Variants in AUTS2 observed in about 807,000 individuals in gnomAD.
AUTS2 encodes the protein autism susceptibility gene 2 protein.
AUTS2 carries 17 observed loss-of-function variants against 112.4 expected under a neutral mutation model. That is an observed-to-expected ratio of 0.15 (90% CI 0.10 to 0.23). AUTS2 has a LOEUF of 0.23. AUTS2 is among the 10% of genes least tolerant of loss of function. The pLI is 1.00. For missense variants in AUTS2, 1,510 were observed against 1,701.6 expected, an observed-to-expected ratio of 0.89 and a Z score of 1.98; for synonymous variants, 751 against 702.7, an observed-to-expected ratio of 1.07 and a Z score of -1.09.
At chr7:70,006,014 A>G (rs1293342156) in intron 2 of AUTS2, among the ~76,000 whole-genome samples, 3 of 152,142 alleles carry the variant, frequency 2.0e-5, no homozygotes. Flanking sequence ...TAAAGTGGAA[A>G]CAAATGCACG....
At chr7:70,380,938 G>A (rs1158654443) in intron 4 of AUTS2, among the ~76,000 whole-genome samples, 1 of 152,202 alleles carries the variant, frequency 6.6e-6, no homozygotes, top group Non-Finnish European at 1.5e-5. Flanking sequence ...AACGAATTAA[G>A]TAGTTTTCTC....
chr7:69,669,103 C>T (rs1796198638), intron 1 of AUTS2, among the ~76,000 whole-genome samples: 1 of 152,104 alleles, frequency 6.6e-6, no homozygotes, highest in Non-Finnish European at 1.5e-5. Context: ...ATGTTTTCTA[C>T]ATTCTGCTGT....
chr7:70,387,469 G>C (rs1240472282), intron 4 of AUTS2, among the ~76,000 whole-genome samples: 1 of 152,102 alleles, frequency 6.6e-6, no homozygotes, highest in East Asian at 1.9e-4. Context: ...TCTTTTATCT[G>C]TCTATTTTCT....
chr7:69,689,343 A>ATTTTTTTTTTTTTTTT (rs530444257), intron 1 of AUTS2, among the ~76,000 whole-genome samples: 1 of 102,500 alleles, frequency 9.8e-6, no homozygotes, highest in African/African-American at 3.7e-5. Context: ...TAATTAATTA[A>ATTTTTTTTTTTTTTTT]TTTTTTTTTT....
chr7:70,633,334 TG>T (rs1198338384), intron 5 of AUTS2, among the ~76,000 whole-genome samples: 1 of 152,152 alleles, frequency 6.6e-6, no homozygotes, highest in Non-Finnish European at 1.5e-5. Flanking sequence ...ACACAGAACA[TG>T]GGCCAGGTGC....
intron 2 of AUTS2, among the ~76,000 whole-genome samples, chr7:69,960,521 T>C (rs1462146923): frequency 1.3e-5 from 2 of 152,162 alleles, no homozygotes; most frequent in Non-Finnish European, 2.9e-5. Flanking sequence ...CATTTATCTG[T>C]GTAATTCTGT....
At chr7:69,922,079 GA>G (rs996065811) in intron 2 of AUTS2, among the ~76,000 whole-genome samples, 60 of 150,906 alleles carry the variant, frequency 4.0e-4, no homozygotes, top group Non-Finnish European at 7.7e-4. Flanking sequence ...AAAGAAAAAA[GA>G]AAAAAAAATT....
At chr7:69,996,966 C>CAAAAAAAAAAAAAAAAAA (rs1798974779) in intron 2 of AUTS2, among the ~76,000 whole-genome samples, 6 of 83,652 alleles carry the variant, frequency 7.2e-5, no homozygotes, top group African/African-American at 2.1e-4. Context: ...AAAAAAAAAG[C>CAAAAAAAAAAAAAAAAAA]AAACTCCAGG....
chr7:70,689,256 A>G (rs1585510590), intron 5 of AUTS2, among the ~76,000 whole-genome samples: 2 of 152,096 alleles, frequency 1.3e-5, no homozygotes, highest in African/African-American at 4.8e-5. Context: ...AGCTACTCCC[A>G]GCTACTCCCA....
At chr7:70,446,931 G>C (rs1796341936) in intron 5 of AUTS2, among the ~76,000 whole-genome samples, 1 of 152,182 alleles carries the variant, frequency 6.6e-6, no homozygotes, top group Admixed American at 6.5e-5. Flanking sequence ...GTGACTAGCT[G>C]CCTTGTGTAC....
chr7:70,221,637 A>G (rs182723479), intron 4 of AUTS2, among the ~76,000 whole-genome samples: 1 of 152,336 alleles, frequency 6.6e-6, no homozygotes, highest in African/African-American at 2.4e-5. Flanking sequence ...CTGTATTCCC[A>G]GTACTTTGGG....
At chr7:70,759,772 C>T (rs751258473) in intron 6 of AUTS2, among the ~76,000 whole-genome samples, 21 of 152,098 alleles carry the variant, frequency 1.4e-4, no homozygotes, top group Admixed American at 1.3e-4. Context: ...TCTTGAGGCT[C>T]GTTCAAGAAC....
chr7:70,339,169 C>T (rs978497971), intron 4 of AUTS2, among the ~76,000 whole-genome samples: 6 of 152,004 alleles, frequency 3.9e-5, no homozygotes, highest in Non-Finnish European at 7.4e-5. Context: ...GGCCTGGCCT[C>T]ATCTCTTTTT....
Position 70,606,384 on chromosome 7 carries a change from T to C in AUTS2, c.691-92185T>C, listed in dbSNP as rs187163527. The stretch of plus-strand genomic sequence containing the variant: ...ATTTGCAGCCCATCAATAATTACAT[T>C]AATGATGAACTTGGTTCTTAGTTTT... On this transcript the variant is annotated intron_variant, in intron 5 of 18. Transcript: ENST00000342771. Among the ~76,000 whole-genome samples the C allele has an allele frequency of 4.6e-5, 7 of 152,318 alleles. No individual in the cohort carries two copies. In the East Asian group the frequency reaches 1.4e-3, roughly 29 times the overall value.
intron 2 of AUTS2, among the ~76,000 whole-genome samples, chr7:69,967,130 G>T (rs923787770): frequency 6.6e-6 from 1 of 152,174 alleles, no homozygotes; most frequent in Admixed American, 6.5e-5. Flanking sequence ...GTGGAGAAAG[G>T]TCACCTCCTG....
intron 5 of AUTS2, among the ~76,000 whole-genome samples, chr7:70,508,620 G>A (rs1799063762): frequency 6.6e-6 from 1 of 152,184 alleles, no homozygotes; most frequent in African/African-American, 2.4e-5. Flanking sequence ...TATGAGTGGG[G>A]AGAGTGTCTT....
intron 2 of AUTS2, among the ~76,000 whole-genome samples, chr7:70,059,211 A>G (rs1024186657): frequency 6.6e-6 from 1 of 152,124 alleles, no homozygotes; most frequent in African/African-American, 2.4e-5. Context: ...TACTTTTTCC[A>G]TAGTTTCGCC....
intron 4 of AUTS2, among the ~76,000 whole-genome samples, chr7:70,405,119 T>C (rs1794477974): frequency 6.6e-6 from 1 of 152,212 alleles, no homozygotes; most frequent in Non-Finnish European, 1.5e-5. Context: ...TATGATTTTT[T>C]TGCAAGAGAG....
chr7:69,946,606 A>G lies in AUTS2; in HGVS notation c.522+47108A>G, dbSNP rs978112242. 6.6e-5 allele frequency among the ~76,000 whole-genome samples: 9 copies of G among 136,742 alleles called. No homozygotes were observed. In the South Asian group the frequency reaches 1.2e-3, roughly 18 times the overall value. The allele number at this position is 136,742 out of a possible 152,430, so 89.7% of individuals were successfully genotyped here. A position where few individuals can be genotyped will look rare whatever the true frequency, so the allele number is the denominator to read the frequency against. On this transcript the variant is annotated intron_variant, in intron 2 of 18. Coordinates refer to ENST00000342771, the MANE Select transcript of AUTS2 (RefSeq NM_015570.4). ...CACACACACACACACACACACACAC[A>G]CGCACGCACACAGAGACACCCTCTG... is the stretch of plus-strand genomic sequence containing the variant.
Sources: gnomAD v4.1 joint callset for allele counts (sites outside exome capture counted in the v4.1 genomes callset) on GRCh38, gnomAD v4.1.1 for gene constraint, MANE v1.5 for transcripts, NCBI Gene and HGNC (gene_info 2026-07-23, HGNC 2026-07-21) for gene names.